CYP2J2: variants seen among roughly 807,000 people sequenced by gnomAD.
The protein encoded by CYP2J2 is cytochrome P450 2J2.
Under a neutral mutation model 48.8 loss-of-function variants are expected in CYP2J2, and 41 were observed. The observed-to-expected ratio is 0.84, with a 90% CI of 0.66 to 1.09. The LOEUF (loss-of-function observed/expected upper bound fraction) is 1.09. CYP2J2 is among the 50% of genes least tolerant of loss of function. CYP2J2 has a pLI of 0.00. For synonymous variants in CYP2J2, 221 were observed against 227.1 expected (o/e 0.97, Z 0.24); for missense variants, 644 against 617.3 (o/e 1.04, Z -0.46).
chr1:59,901,181 G>C, intron 7 of CYP2J2, 78 bp from the exon 8 acceptor site: 1 of 1,515,110 alleles, frequency 6.6e-7, no homozygotes, highest in Non-Finnish European at 9.0e-7. Context: ...GTCATCCTCC[G>C]GCTTCCTTGC....
the CYP2J2 span, among the ~76,000 whole-genome samples, chr1:59,955,283 T>TATATATATCCATATATATATATCC: frequency 2.0e-3 from 215 of 107,438 alleles, 7 homozygotes; most frequent in East Asian, 0.042. Context: ...TATATCCATA[T>TATATATATCCATATATATATATCC]ATATATATCC....
chr1:59,949,106 AC>A, the CYP2J2 span, among the ~76,000 whole-genome samples: 1 of 151,766 alleles, frequency 6.6e-6, no homozygotes, highest in African/African-American at 2.4e-5. Context: ...AGAAGTCTTT[AC>A]AGGCTGATCC....
intron 8 of CYP2J2, among the ~76,000 whole-genome samples, chr1:59,898,809 T>C (rs1366025325): frequency 6.6e-6 from 1 of 152,228 alleles, no homozygotes; most frequent in Admixed American, 6.5e-5. Flanking sequence ...TAACTATTAA[T>C]AACTGGGCTG....
the CYP2J2 span, among the ~76,000 whole-genome samples, chr1:59,950,211 A>C: frequency 6.6e-6 from 1 of 152,162 alleles, no homozygotes; most frequent in Admixed American, 6.5e-5. Flanking sequence ...TAGGAGAAAC[A>C]GGATATTTGG....
At chr1:59,927,883 C>G (rs1246362378), upstream of CYP2J2, among the ~76,000 whole-genome samples, 1 of 152,160 alleles carries the variant, frequency 6.6e-6, no homozygotes, top group Non-Finnish European at 1.5e-5. Flanking sequence ...GAGTTGAAGT[C>G]TCTTGTTCTC....
At chr1:59,911,557 G>A in intron 4 of CYP2J2, 51 bp downstream of exon 4, 1 of 1,340,052 alleles carries the variant, frequency 7.5e-7, no homozygotes, top group South Asian at 1.9e-5. Flanking sequence ...ATCTGTGGCT[G>A]ACATCGGCCC....
chr1:59,907,871 C>G lies in CYP2J2; in HGVS notation c.918G>C (p.Leu306=). Reference sequence around the variant, plus strand: ...TCTCGGTTCCGGCAAAGAAGAGGTCCAGGGTGCTGCAGATGAGGTTTTCTT... The same window carrying G: ...TCTCGGTTCCGGCAAAGAAGAGGTCGAGGGTGCTGCAGATGAGGTTTTCTT... ...FHEENLICST[L]DLFFAGTETT... Residue 306 remains leucine (L), a synonymous_variant, in exon 6 of 9, where the codon CTG becomes CTC. Transcript: ENST00000371204. 6.2e-7 allele frequency: 1 copy of G among 1,614,058 alleles called. No homozygotes were observed. The highest frequency in any genetic ancestry group is 8.5e-7 in the Non-Finnish European group (1 of 1,179,952).
intron 1 of CYP2J2, among the ~76,000 whole-genome samples, chr1:59,926,244 A>G (rs1246146890): frequency 6.6e-6 from 1 of 152,210 alleles, no homozygotes; most frequent in Non-Finnish European, 1.5e-5. Context: ...GGACAATCAT[A>G]TAAAAGAGGG....
chr1:59,968,809 C>G, the CYP2J2 span, among the ~76,000 whole-genome samples: 36,665 of 152,104 alleles, frequency 0.24, 5,878 homozygotes, highest in African/African-American at 0.47. Context: ...TGATGTGTCT[C>G]GAATTGGTGG....
At chr1:59,941,701 C>T in the CYP2J2 span, among the ~76,000 whole-genome samples, 1 of 151,838 alleles carries the variant, frequency 6.6e-6, no homozygotes, top group Non-Finnish European at 1.5e-5. Flanking sequence ...CCTGTGTAGG[C>T]CTAGGCTAAT....
At chr1:59,925,356 C>T (rs1289764257) in intron 1 of CYP2J2, among the ~76,000 whole-genome samples, 2 of 152,128 alleles carry the variant, frequency 1.3e-5, no homozygotes, top group East Asian at 3.8e-4. Context: ...AATTATTCCA[C>T]CCAACAATAG....
At chr1:59,894,592 A>C (rs1185820256) in intron 8 of CYP2J2, among the ~76,000 whole-genome samples, 1 of 152,198 alleles carries the variant, frequency 6.6e-6, no homozygotes, top group Non-Finnish European at 1.5e-5. Context: ...CAAATTAAAC[A>C]ACCTCTCTAG....
intron 5 of CYP2J2, among the ~76,000 whole-genome samples, chr1:59,909,090 A>G (rs1205477136): frequency 6.6e-6 from 1 of 152,162 alleles, no homozygotes; most frequent in African/African-American, 2.4e-5. Flanking sequence ...TGGGGGATGA[A>G]AGGGCTGTAT....
upstream of CYP2J2, among the ~76,000 whole-genome samples, chr1:59,928,698 T>A (rs1230841509): frequency 6.6e-6 from 1 of 152,174 alleles, no homozygotes; most frequent in Non-Finnish European, 1.5e-5. Context: ...GGGCCATAAT[T>A]GCCCTCATCC....
At chr1:59,911,205 G>A (rs1644411053) in intron 4 of CYP2J2, among the ~76,000 whole-genome samples, 1 of 152,154 alleles carries the variant, frequency 6.6e-6, no homozygotes, top group African/African-American at 2.4e-5. Context: ...CAGCACAGAT[G>A]ACTCTCAAAG....
At chr1:59,902,254 T>C (rs1343416899) in intron 7 of CYP2J2, among the ~76,000 whole-genome samples, 1 of 152,192 alleles carries the variant, frequency 6.6e-6, no homozygotes, top group East Asian at 1.9e-4. Flanking sequence ...TTTTTTCCTT[T>C]GGGCAGTTAT....
chr1:59,930,722 TGG>T (rs1300920144), upstream of CYP2J2, among the ~76,000 whole-genome samples: 4 of 152,112 alleles, frequency 2.6e-5, no homozygotes, highest in Non-Finnish European at 5.9e-5. Flanking sequence ...ATGAAGCAGA[TGG>T]TTTATTTTTT....
intron 7 of CYP2J2, among the ~76,000 whole-genome samples, chr1:59,902,994 T>C (rs1345870916): frequency 6.6e-6 from 1 of 152,228 alleles, no homozygotes; most frequent in African/African-American, 2.4e-5. Context: ...AGATGATTTT[T>C]AAAGCTGACA....
chr1:59,912,070 G>A lies in CYP2J2; in HGVS notation c.523+92C>T. ...TATCTTCCATTCCTAGCACAGTGCT[G>A]GGCATAGAACAAGCACTTACTCACT... is the stretch of plus-strand genomic sequence containing the variant. On this transcript the variant is annotated intron_variant, in intron 3 of 8. Coordinates refer to ENST00000371204, the MANE Select transcript of CYP2J2 (RefSeq NM_000775.4). The A allele has an allele frequency of 4.5e-6, 6 of 1,333,888 alleles. No homozygotes were observed. The South Asian group carries it at 8.8e-5, about 20-fold the overall frequency. 82.6% of individuals were successfully genotyped at this position (1,333,888 alleles called of 1,614,324 possible).
Sources: gnomAD v4.1 joint callset for allele counts (sites outside exome capture counted in the v4.1 genomes callset) on GRCh38, gnomAD v4.1.1 for gene constraint, MANE v1.5 for transcripts, NCBI Gene and HGNC (gene_info 2026-07-23, HGNC 2026-07-21) for gene names.